ABCC11: variants seen among roughly 807,000 people sequenced by gnomAD.
ABCC11 encodes the protein ATP binding cassette subfamily C member 11, also known as ATP-binding cassette sub-family C member 11.
A neutral mutation model predicts 149.3 loss-of-function variants in ABCC11; 135 were observed. The ratio of observed to expected loss-of-function variants is 0.90; its 90% CI spans 0.79 to 1.04. The LOEUF (loss-of-function observed/expected upper bound fraction) is 1.04. ABCC11 is among the 50% of genes least tolerant of loss of function. The probability of loss-of-function intolerance (pLI) is 0.00; values close to 1 mark genes in which losing one functional copy is unlikely to be tolerated. For synonymous variants in ABCC11, 665 were observed against 671.4 expected, an observed-to-expected ratio of 0.99 and a Z score of 0.15; for missense variants, 1,680 against 1,722.1, an observed-to-expected ratio of 0.98 and a Z score of 0.43.
chr16:48,197,543 C>T (rs888592450), intron 17 of ABCC11, among the ~76,000 whole-genome samples: 1 of 152,208 alleles, frequency 6.6e-6, no homozygotes, highest in African/African-American at 2.4e-5. Flanking sequence ...TGCTACTCTG[C>T]CCCAGACAAG....
intron 18 of ABCC11, among the ~76,000 whole-genome samples, chr16:48,195,346 T>C (rs1356015631): frequency 6.6e-6 from 1 of 152,206 alleles, no homozygotes; most frequent in Non-Finnish European, 1.5e-5. Context: ...CACAAGCATT[T>C]GCTGTTTCCT....
At chr16:48,218,324 G>A (rs948834624) in intron 6 of ABCC11, among the ~76,000 whole-genome samples, 1 of 152,026 alleles carries the variant, frequency 6.6e-6, no homozygotes, top group Non-Finnish European at 1.5e-5. Context: ...CCCAGAAGTA[G>A]TAGGCAATCT....
intron 9 of ABCC11, 110 bp downstream of exon 9, chr16:48,214,771 T>C (rs1438666134): frequency 1.5e-5 from 20 of 1,378,838 alleles, no homozygotes; most frequent in Admixed American, 6.1e-5. Flanking sequence ...AATCAACATA[T>C]AATGTCCATT....
intron 10 of ABCC11, 67 bp downstream of exon 10, chr16:48,213,376 A>C: frequency 7.0e-7 from 1 of 1,422,812 alleles, no homozygotes. Context: ...CTGGAGGAAC[A>C]TCATGGGGGC....
At chr16:48,180,091 G>C (rs1405723839) in intron 23 of ABCC11, among the ~76,000 whole-genome samples, 1 of 152,164 alleles carries the variant, frequency 6.6e-6, no homozygotes, top group Non-Finnish European at 1.5e-5. Flanking sequence ...ATCATGTTCA[G>C]GTGTCTGGTG....
intron 6 of ABCC11, among the ~76,000 whole-genome samples, chr16:48,220,582 C>T (rs1969668225): frequency 6.6e-6 from 1 of 152,196 alleles, no homozygotes; most frequent in Non-Finnish European, 1.5e-5. Flanking sequence ...CCCCCGTCTA[C>T]ATGCTTTACA....
intron 1 of ABCC11, among the ~76,000 whole-genome samples, chr16:48,241,576 G>A (rs1290846093): frequency 2.6e-5 from 4 of 152,100 alleles, no homozygotes; most frequent in East Asian, 1.9e-4. Context: ...AAAAAGAGCC[G>A]GCATTGCCAA....
chr16:48,169,566 C>T (rs183665281), intron 28 of ABCC11, among the ~76,000 whole-genome samples: 43 of 152,098 alleles, frequency 2.8e-4, no homozygotes, highest in Admixed American at 2.5e-3. Flanking sequence ...CACATATACA[C>T]CATGGAATAC....
At chr16:48,247,135 A>G (rs987714436) in intron 1 of ABCC11, among the ~76,000 whole-genome samples, 179 bp downstream of exon 1, 12 of 152,300 alleles carry the variant, frequency 7.9e-5, no homozygotes, top group Non-Finnish European at 1.2e-4. Context: ...TAAAAAGCCT[A>G]TGTGGAAAGA....
intron 28 of ABCC11, among the ~76,000 whole-genome samples, chr16:48,168,164 C>A (rs1241118489): frequency 6.6e-6 from 1 of 151,140 alleles, no homozygotes; most frequent in Non-Finnish European, 1.5e-5. Flanking sequence ...TGGGATGAGG[C>A]TGTTTTTGAA....
chr16:48,169,969 T>TTGC (rs373090730), intron 28 of ABCC11, 136 bp downstream of exon 28: 118 of 628,926 alleles, frequency 1.9e-4, no homozygotes, highest in African/African-American at 2.6e-4. Context: ...GTTGTTGTTG[T>TTGC]TGTTGTTGTT....
intron 1 of ABCC11, among the ~76,000 whole-genome samples, chr16:48,235,530 C>T (rs953999880): frequency 1.1e-4 from 16 of 152,198 alleles, no homozygotes; most frequent in Admixed American, 9.8e-4. Context: ...CCCAAGCAAA[C>T]GAGCTCGAGC....
At chr16:48,213,814 A>C (rs1969117424) in intron 9 of ABCC11, among the ~76,000 whole-genome samples, 1 of 152,224 alleles carries the variant, frequency 6.6e-6, no homozygotes, top group Admixed American at 6.5e-5. Flanking sequence ...ACCACAGCCC[A>C]GTTTCCCCAT....
chr16:48,229,715 C>T (rs1437966296), intron 3 of ABCC11, among the ~76,000 whole-genome samples: 7 of 152,096 alleles, frequency 4.6e-5, no homozygotes, highest in Non-Finnish European at 8.8e-5. Context: ...CCACCCGCCT[C>T]GGCCTCCCAA....
intron 6 of ABCC11, among the ~76,000 whole-genome samples, chr16:48,219,386 G>T (rs1044191132): frequency 6.6e-6 from 1 of 152,086 alleles, no homozygotes; most frequent in South Asian, 2.1e-4. Flanking sequence ...GCCAAAGCTG[G>T]TCACAAACTA....
At chr16:48,187,813 A>G (rs1042439340) in intron 20 of ABCC11, among the ~76,000 whole-genome samples, 1 of 152,164 alleles carries the variant, frequency 6.6e-6, no homozygotes, top group African/African-American at 2.4e-5. Context: ...AGAGAGAGAG[A>G]ATACATTAAA....
intron 1 of ABCC11, among the ~76,000 whole-genome samples, chr16:48,238,934 T>TA (rs3048246): frequency 0.091 from 3,612 of 39,768 alleles, 245 homozygotes; most frequent in East Asian, 0.12. Context: ...AGACTCTGTC[T>TA]AAAAAAAAAA....
chr16:48,178,564 G>C (rs749145201), intron 24 of ABCC11, 33 bp downstream of exon 24: 29 of 1,602,550 alleles, frequency 1.8e-5, no homozygotes, highest in Non-Finnish European at 2.4e-5. Flanking sequence ...AACTTGCATG[G>C]CTCCCCACAC....
At chr16:48,173,741 C>T (rs1337896320) in intron 26 of ABCC11, among the ~76,000 whole-genome samples, 1 of 152,202 alleles carries the variant, frequency 6.6e-6, no homozygotes, top group Non-Finnish European at 1.5e-5. Context: ...TCACGTGCCT[C>T]AGCCTCCCGA....
Sources: allele counts gnomAD v4.1 joint callset (sites outside exome capture counted in the v4.1 genomes callset), GRCh38; gene constraint gnomAD v4.1.1; transcripts MANE v1.5; gene names NCBI Gene and HGNC (gene_info 2026-07-23, HGNC 2026-07-21).